The following MED12L variants were observed in gnomAD, a reference collection of about 807,000 sequenced individuals.
MED12L encodes the protein mediator complex subunit 12L.
A neutral mutation model predicts 281.3 loss-of-function variants in MED12L; 60 were observed. The ratio of observed to expected loss-of-function variants is 0.21; its 90% confidence interval spans 0.17 to 0.26. The LOEUF (loss-of-function observed/expected upper bound fraction) is 0.26. MED12L is among the 10% of genes least tolerant of loss of function. MED12L has a pLI of 1.00. For synonymous variants in MED12L, 974 were observed against 987.2 expected (o/e 0.99, Z 0.25); for missense variants, 2,146 against 2,680.9 (o/e 0.80, Z 4.41).
At chr3:151,334,976 A>G (rs1577357267) in intron 16 of MED12L, among the ~76,000 whole-genome samples, 1 of 152,352 alleles carries the variant, frequency 6.6e-6, no homozygotes, top group African/African-American at 2.4e-5. Flanking sequence ...AATTTCATAT[A>G]AATTTCATTC....
At chr3:151,414,336 A>G (rs1166500632) in intron 42 of MED12L, among the ~76,000 whole-genome samples, 1 of 152,204 alleles carries the variant, frequency 6.6e-6, no homozygotes, top group African/African-American at 2.4e-5. Context: ...CACTTACTTT[A>G]TATACTACCA....
At chr3:151,199,367 A>G (rs771393895) in intron 16 of MED12L, 1 of 1,610,316 alleles carries the variant, frequency 6.2e-7, no homozygotes, top group South Asian at 1.1e-5. Context: ...AACTGGGCAG[A>G]AGAACGAACT....
chr3:151,309,780 G>A lies in MED12L; in HGVS notation c.2251-40279G>A, dbSNP rs964898462. 2.0e-5 allele frequency among the ~76,000 whole-genome samples: 3 copies of A among 152,298 alleles called. No homozygotes were observed. The South Asian group carries it at 6.2e-4, about 32-fold the overall frequency. On this transcript the variant is annotated intron_variant, in intron 16 of 44. Coordinates refer to ENST00000687756, the MANE Select transcript of MED12L (RefSeq NM_001393769.1). ...CCAGGGTCTAGCAGAGTACCTGCGG[G>A]CACAGAGTCAGAGTTCAAAAACACC... is the stretch of plus-strand genomic sequence containing the variant.
intron 16 of MED12L, chr3:151,213,895 A>C: frequency 2.5e-6 from 4 of 1,614,090 alleles, no homozygotes; most frequent in Non-Finnish European, 3.4e-6. Context: ...TATCACTGAC[A>C]GAAGTTTGCT....
chr3:151,368,667 T>TCATG (rs1560087272), intron 25 of MED12L, among the ~76,000 whole-genome samples: 28 of 58,142 alleles, frequency 4.8e-4, no homozygotes, highest in Admixed American at 3.2e-3. Flanking sequence ...TTCATTTCAT[T>TCATG]TCATTTCATG....
chr3:151,107,150 G>T (rs1722177776), intron 2 of MED12L, among the ~76,000 whole-genome samples: 3 of 144,466 alleles, frequency 2.1e-5, no homozygotes, highest in Non-Finnish European at 3.0e-5. Flanking sequence ...TTTACCAATT[G>T]CATTTTAGTT....
chr3:151,130,645 A>G (rs1715246064), intron 5 of MED12L, among the ~76,000 whole-genome samples: 1 of 152,076 alleles, frequency 6.6e-6, no homozygotes, highest in Admixed American at 6.5e-5. Context: ...CCAAACTCAG[A>G]GCTCTGCTGA....
At position 151,116,324 on chromosome 3, in the gene MED12L, C is replaced by T. The variant is rs369507642; in HGVS notation, c.100-14C>T. ...TTACATCCTTCTGCTTAATCAATAC[C>T]GTCTCTTGAACAGGATGAACTTACT... On this transcript the variant is annotated splice_polypyrimidine_tract_variant and intron_variant, in intron 2 of 44. Transcript: ENST00000687756. 70 of 1,581,932 alleles carry T rather than the reference C, an allele frequency of 4.4e-5. 1 individual carries two copies. The Middle Eastern group carries it at 5.0e-4, about 11-fold the overall frequency.
At chr3:151,170,383 C>A (rs557749147) in intron 11 of MED12L, among the ~76,000 whole-genome samples, 5 of 150,190 alleles carry the variant, frequency 3.3e-5, no homozygotes, top group Admixed American at 6.7e-5. Flanking sequence ...TCAAGCCATT[C>A]TCTGCCTCAG....
intron 3 of MED12L, among the ~76,000 whole-genome samples, chr3:151,119,505 T>G (rs2148757916): frequency 1.3e-5 from 2 of 152,314 alleles, no homozygotes; most frequent in Admixed American, 1.3e-4. Context: ...AAAGTCCTAC[T>G]GGATTAGGGC....
intron 16 of MED12L, among the ~76,000 whole-genome samples, chr3:151,240,446 G>T (rs757088014): frequency 6.6e-6 from 1 of 152,168 alleles, no homozygotes; most frequent in Non-Finnish European, 1.5e-5. Context: ...TGCGTGCCAG[G>T]TACTAGCATG....
intron 16 of MED12L, among the ~76,000 whole-genome samples, chr3:151,270,465 C>G (rs1041511633): frequency 6.6e-6 from 1 of 152,174 alleles, no homozygotes; most frequent in Non-Finnish European, 1.5e-5. Context: ...TCCCTTTGCT[C>G]TGCTGGAATT....
intron 20 of MED12L, among the ~76,000 whole-genome samples, chr3:151,360,111 G>A (rs775865839): frequency 2.0e-5 from 3 of 152,092 alleles, no homozygotes; most frequent in Non-Finnish European, 4.4e-5. Flanking sequence ...ATCTTTGCAC[G>A]CTGATGGAAT....
chr3:151,196,759 G>C (rs1724719199), intron 16 of MED12L, among the ~76,000 whole-genome samples: 1 of 152,194 alleles, frequency 6.6e-6, no homozygotes, highest in Non-Finnish European at 1.5e-5. Context: ...TGTATGTTTT[G>C]TAATAGGCAC....
intron 16 of MED12L, chr3:151,328,982 G>A: frequency 6.2e-7 from 1 of 1,605,210 alleles, no homozygotes; most frequent in Non-Finnish European, 8.5e-7. Context: ...TTGCATCACT[G>A]TGGTGTTCAT....
chr3:151,126,726 C>T (rs1182443354), intron 4 of MED12L, among the ~76,000 whole-genome samples: 2 of 152,162 alleles, frequency 1.3e-5, no homozygotes, highest in African/African-American at 4.8e-5. Flanking sequence ...GGGTCACATC[C>T]ATGGCCTGAA....
chr3:151,263,430 C>G (rs1184305769), intron 16 of MED12L, among the ~76,000 whole-genome samples: 2 of 152,168 alleles, frequency 1.3e-5, no homozygotes, highest in African/African-American at 2.4e-5. Context: ...TGAAGGCTGA[C>G]AGAATTATCA....
chr3:151,100,673 G>A (rs1316061343), intron 2 of MED12L, among the ~76,000 whole-genome samples: 1 of 152,124 alleles, frequency 6.6e-6, no homozygotes. Flanking sequence ...AGTCAGAGTT[G>A]TTTTTACTCT....
intron 2 of MED12L, among the ~76,000 whole-genome samples, chr3:151,088,301 A>G (rs1289839540): frequency 6.6e-6 from 1 of 152,152 alleles, no homozygotes; most frequent in Non-Finnish European, 1.5e-5. Context: ...GCTTTACAGG[A>G]TGGTAGAGGT....
Sources: gnomAD v4.1 joint callset for allele counts (sites outside exome capture counted in the v4.1 genomes callset) on GRCh38, gnomAD v4.1.1 for gene constraint, MANE v1.5 for transcripts, NCBI Gene and HGNC (gene_info 2026-07-23, HGNC 2026-07-21) for gene names.